The following CFAP43 variants were observed in gnomAD, a reference collection of about 807,000 sequenced individuals.
The protein encoded by CFAP43 is cilia and flagella associated protein 43.
Under a neutral mutation model 218.9 loss-of-function variants are expected in CFAP43, and 155 were observed. The ratio of observed to expected loss-of-function variants is 0.71; its 90% confidence interval spans 0.62 to 0.81. The LOEUF (loss-of-function observed/expected upper bound fraction) is 0.81, where lower values mean the gene tolerates loss of function less well. Ranked by LOEUF, CFAP43 falls within the 30% of genes least tolerant of loss-of-function variation. The pLI, the probability that CFAP43 is intolerant of heterozygous loss-of-function variation, is 0.00. For missense variants in CFAP43, 1,778 were observed against 1,954.3 expected (o/e 0.91, Z 1.70); for synonymous variants, 645 against 681.3 (o/e 0.95, Z 0.83).
intron 15 of CFAP43, 123 bp from the exon 16 acceptor site, chr10:104,185,269 AT>A: frequency 2.3e-6 from 3 of 1,306,038 alleles, no homozygotes; most frequent in Non-Finnish European, 3.2e-6. Flanking sequence ...CAGCATTTTA[AT>A]TGGTATGGAA....
rs1490851194 is a variant in CFAP43, at chr10:104,232,310, C to G, written c.-64G>C. 6 of 1,456,408 alleles carry G rather than the reference C, an allele frequency of 4.1e-6. No individual in the cohort carries two copies. The highest frequency in any genetic ancestry group is 1.8e-6 in the Non-Finnish European group (2 of 1,100,730). 90.2% of individuals were successfully genotyped at this position (1,456,408 alleles called of 1,614,324 possible). ...CAGCACCCCAGGGCGGGTCGGTTAC[C>G]TTTCCGCCGCCGCGGGGCTGCGGGC... On this transcript the variant is annotated 5_prime_UTR_variant, in exon 1 of 38. Transcript: ENST00000357060.
chr10:104,228,198 T>A (rs948553365), intron 2 of CFAP43, among the ~76,000 whole-genome samples: 17 of 152,210 alleles, frequency 1.1e-4, no homozygotes, highest in African/African-American at 3.6e-4. Context: ...CTTTTTTTCA[T>A]CTGATATAGA....
In CFAP43 at chr10:104,232,326, G is replaced by A; in HGVS notation, c.-80C>T. 1 of 1,390,740 alleles carries A rather than the reference G, an allele frequency of 7.2e-7. No individual in the cohort carries two copies. The highest frequency in any genetic ancestry group is 9.5e-7 in the Non-Finnish European group (1 of 1,051,404). The allele number at this position is 1,390,740 out of a possible 1,614,324, so 86.1% of individuals were successfully genotyped here. A position where few individuals can be genotyped will look rare whatever the true frequency, so the allele number is the denominator to read the frequency against. ...GTCGGTTACCTTTCCGCCGCCGCGG[G>A]GCTGCGGGCCGCGACGCCGCTGCTG... On this transcript the variant is annotated 5_prime_UTR_variant, in exon 1 of 38. Coordinates refer to ENST00000357060, the MANE Select transcript of CFAP43 (RefSeq NM_025145.7).
chr10:104,155,819 C>G (rs983335029), intron 27 of CFAP43, among the ~76,000 whole-genome samples: 13 of 151,558 alleles, frequency 8.6e-5, no homozygotes, highest in African/African-American at 3.2e-4. Flanking sequence ...CAAGAGTTTG[C>G]TGGGTATCTG....
intron 34 of CFAP43, among the ~76,000 whole-genome samples, chr10:104,135,508 G>C (rs1291200016): frequency 1.3e-5 from 2 of 152,038 alleles, no homozygotes; most frequent in Non-Finnish European, 2.9e-5. Flanking sequence ...AACCCTACTA[G>C]AGATAATACA....
intron 30 of CFAP43, among the ~76,000 whole-genome samples, chr10:104,145,767 A>G (rs2087935473): frequency 6.6e-6 from 1 of 152,218 alleles, no homozygotes; most frequent in Non-Finnish European, 1.5e-5. Context: ...TAAGTGTATT[A>G]AAAATATTAT....
intron 19 of CFAP43, among the ~76,000 whole-genome samples, chr10:104,173,456 C>A (rs1390765346): frequency 1.3e-5 from 2 of 152,306 alleles, no homozygotes; most frequent in African/African-American, 4.8e-5. Context: ...CCTAAGAGTG[C>A]TGGCAGGTTG....
intron 35 of CFAP43, 30 bp from the exon 36 acceptor site, chr10:104,132,226 T>C: frequency 6.8e-7 from 1 of 1,468,570 alleles, no homozygotes; most frequent in South Asian, 1.2e-5. Context: ...CATGTAAGGA[T>C]ATTTTTCTCT....
intron 34 of CFAP43, among the ~76,000 whole-genome samples, chr10:104,135,567 T>C (rs1025536542): frequency 6.6e-6 from 1 of 152,192 alleles, no homozygotes; most frequent in African/African-American, 2.4e-5. Context: ...AAAAATCAGT[T>C]ATATTTTTAT....
At chr10:104,173,099 A>G (rs1229967201) in intron 19 of CFAP43, among the ~76,000 whole-genome samples, 4 of 152,226 alleles carry the variant, frequency 2.6e-5, no homozygotes, top group African/African-American at 7.2e-5. Context: ...ATGACAAAAT[A>G]TTAATGTCTT....
rs116216714 is a variant in CFAP43 at position 104,219,058 on chromosome 10, C to T, written c.417-4632G>A. Among the ~76,000 whole-genome samples the T allele has an allele frequency of 8.8e-3, 1,332 of 152,198 alleles. 32 individuals are homozygous for T. The highest frequency in any genetic ancestry group is 0.031 in the African/African-American group (1,284 of 41,512). ...ATATCAGCTGCCAACTAGACATCTCCGTTTGTTCATCTCAAGCACTCTCAG... is the reference window on the plus strand; with the variant it reads ...ATATCAGCTGCCAACTAGACATCTCTGTTTGTTCATCTCAAGCACTCTCAG... On this transcript the variant is annotated intron_variant, in intron 3 of 37. Transcript: ENST00000357060.
chr10:104,140,642 CA>C, intron 34 of CFAP43, among the ~76,000 whole-genome samples, 199 bp downstream of exon 34: 1 of 152,020 alleles, frequency 6.6e-6, no homozygotes, highest in Admixed American at 6.6e-5. Flanking sequence ...TCTGTTTTTA[CA>C]AAAAACTAAT....
chr10:104,161,288 G>A lies in CFAP43; in HGVS notation c.3415-126C>T, dbSNP rs559623882. On this transcript the variant is annotated intron_variant, in intron 26 of 37. Coordinates refer to ENST00000357060, the MANE Select transcript of CFAP43 (RefSeq NM_025145.7). Reference sequence around the variant, plus strand: ...AGTCCTTCACATTGGCAAGGAAAACGACCTGACATCTTGGGCAAAAGATAT... The same window carrying A: ...AGTCCTTCACATTGGCAAGGAAAACAACCTGACATCTTGGGCAAAAGATAT... The A allele has an allele frequency of 9.0e-5, 90 of 997,390 alleles. 1 individual carries two copies. In the East Asian group the frequency reaches 1.1e-3, roughly 12 times the overall value. The allele number at this position is 997,390 out of a possible 1,614,324, so 61.8% of individuals were successfully genotyped here. A position where few individuals can be genotyped will look rare whatever the true frequency, so the allele number is the denominator to read the frequency against.
intron 16 of CFAP43, 53 bp downstream of exon 16, chr10:104,184,963 T>C: frequency 3.8e-6 from 6 of 1,573,436 alleles, no homozygotes; most frequent in Non-Finnish European, 5.2e-6. Flanking sequence ...TAATAAAATC[T>C]CTATTTTAAC....
At position 104,140,891 on chromosome 10, in the gene CFAP43, GCAT is replaced by G. The variant is rs762884852; in HGVS notation, c.4379_4381del (p.Asp1460del). 1 of 1,611,818 alleles carries G rather than the reference GCAT, an allele frequency of 6.2e-7. No individual in the cohort carries two copies. Among genetic ancestry groups the G allele is most frequent in the Non-Finnish European group, 8.5e-7 (1 of 1,179,364 alleles). ...AATTATGTTCTTGTTGATGAGAATT[GCAT>G]CAGAATACTCCAGTACTAGCTGGAA... On this transcript the variant is annotated inframe_deletion, in exon 34 of 38. Transcript: ENST00000357060.
chr10:104,168,167 G>C (rs1409876148), intron 21 of CFAP43, among the ~76,000 whole-genome samples: 6 of 152,212 alleles, frequency 3.9e-5, no homozygotes, highest in African/African-American at 1.4e-4. Flanking sequence ...CAAAATGTAT[G>C]GCTCATGAGG....
At chr10:104,216,674 C>T (rs2091020151) in intron 3 of CFAP43, among the ~76,000 whole-genome samples, 1 of 152,172 alleles carries the variant, frequency 6.6e-6, no homozygotes, top group South Asian at 2.1e-4. Context: ...CTGTCACTGC[C>T]TGAGGACTGT....
chr10:104,173,760 T>C (rs191627699), intron 19 of CFAP43, among the ~76,000 whole-genome samples: 188 of 152,336 alleles, frequency 1.2e-3, no homozygotes, highest in Middle Eastern at 6.8e-3. Context: ...TCAGATCTCC[T>C]ACACTTCTTC....
At chr10:104,163,587 A>G (rs533226096) in intron 24 of CFAP43, among the ~76,000 whole-genome samples, 2 of 152,140 alleles carry the variant, frequency 1.3e-5, no homozygotes, top group Non-Finnish European at 2.9e-5. Flanking sequence ...TGGGATCCAC[A>G]CCGCCTGAAT....
Sources: gnomAD v4.1 joint callset for allele counts (sites outside exome capture counted in the v4.1 genomes callset) on GRCh38, gnomAD v4.1.1 for gene constraint, MANE v1.5 for transcripts, NCBI Gene and HGNC (gene_info 2026-07-23, HGNC 2026-07-21) for gene names.